The following ADAMTS8 variants were observed in gnomAD, a reference collection of about 807,000 sequenced individuals.
The protein encoded by ADAMTS8 is ADAM metallopeptidase with thrombospondin type 1 motif 8, also known as A disintegrin and metalloproteinase with thrombospondin motifs 8.
In ADAMTS8, 50 loss-of-function variants were observed where a neutral mutation model predicts 64.4. The observed-to-expected ratio is 0.78, with a 90% CI of 0.62 to 0.98. The LOEUF (loss-of-function observed/expected upper bound fraction) is 0.98. ADAMTS8 is among the 50% of genes least tolerant of loss of function. The pLI, the probability that ADAMTS8 is intolerant of heterozygous loss-of-function variation, is 0.00. For missense variants in ADAMTS8, 1,192 were observed against 1,208.2 expected, an observed-to-expected ratio of 0.99 and a Z score of 0.20; for synonymous variants, 556 against 533.6, an observed-to-expected ratio of 1.04 and a Z score of -0.58.
intron 5 of ADAMTS8, among the ~76,000 whole-genome samples, chr11:130,412,570 G>A (rs753579319): frequency 6.6e-6 from 1 of 152,134 alleles, no homozygotes; most frequent in East Asian, 1.9e-4. Flanking sequence ...TTGGAATGCT[G>A]TATGCCCAAA....
intron 2 of ADAMTS8, among the ~76,000 whole-genome samples, chr11:130,418,007 CAAAAAAAA>C (rs5795694): frequency 2.1e-5 from 2 of 93,936 alleles, no homozygotes; most frequent in African/African-American, 8.5e-5. Context: ...CTACAAAAAG[CAAAAAAAA>C]AAAAAAAAAA....
At chr11:130,425,606 T>TTC (rs1862154281) in intron 1 of ADAMTS8, among the ~76,000 whole-genome samples, 1 of 150,232 alleles carries the variant, frequency 6.7e-6, no homozygotes, top group African/African-American at 2.4e-5. Flanking sequence ...CTTTTTTCTT[T>TTC]TTTTTTTTTT....
rs1329001098 is a variant in ADAMTS8 at position 130,428,312 on chromosome 11, A to G, written c.-26T>C. On this transcript the variant is annotated 5_prime_UTR_variant, in exon 1 of 9. Coordinates refer to ENST00000257359, the MANE Select transcript of ADAMTS8 (RefSeq NM_007037.6). ...GGGGGCTGCGGCGGTGGCTGCGCGC[A>G]GGAGAGGGAAGAAGCCCGCCAGGCG... The G allele has an allele frequency of 8.8e-6, 11 of 1,252,408 alleles. No individual in the cohort carries two copies. The highest frequency in any genetic ancestry group is 2.0e-5 in the South Asian group (1 of 50,106). 77.6% of individuals were successfully genotyped at this position (1,252,408 alleles called of 1,614,324 possible).
At chr11:130,425,817 G>C (rs909526856) in intron 1 of ADAMTS8, among the ~76,000 whole-genome samples, 2 of 152,002 alleles carry the variant, frequency 1.3e-5, no homozygotes, top group East Asian at 3.9e-4. Context: ...TAGCCAGGAT[G>C]GTCTTGATCT....
At position 130,416,524 on chromosome 11, in the gene ADAMTS8, C is replaced by T. The variant is rs564283402; in HGVS notation, c.1097-194G>A. 6.6e-5 allele frequency among the ~76,000 whole-genome samples: 10 copies of T among 152,330 alleles called. No homozygotes were observed. Among genetic ancestry groups the T allele is most frequent in the Admixed American group, 6.5e-4 (10 of 15,304 alleles). ...AGATGACTAAGAAACACGGATACCC[C>T]TTTATTTTCTGCCTCAGCCCGTCCT... On this transcript the variant is annotated intron_variant, in intron 3 of 8. Coordinates refer to ENST00000257359, the MANE Select transcript of ADAMTS8 (RefSeq NM_007037.6). This position sits in a 1 kb window ranked among gnomAD's most constrained non-coding sequence, Gnocchi z 4.8.
In ADAMTS8 at chr11:130,424,395, C is replaced by T. The variant is rs142489305; in HGVS notation, c.720+3172G>A. Among the ~76,000 whole-genome samples, 25 of 152,312 alleles carry T rather than the reference C, an allele frequency of 1.6e-4. 1 individual carries two copies. Among genetic ancestry groups the T allele is most frequent in the African/African-American group, 2.4e-4 (10 of 41,568 alleles). On this transcript the variant is annotated intron_variant, in intron 1 of 8. Coordinates refer to ENST00000257359, the MANE Select transcript of ADAMTS8 (RefSeq NM_007037.6). ...GTAAAACCACGCTGTGAATTGAACACGCTCAGAGAGTGGCTAAACCTTCCA... is the reference window on the plus strand; with the variant it reads ...GTAAAACCACGCTGTGAATTGAACATGCTCAGAGAGTGGCTAAACCTTCCA...
At chr11:130,413,174 T>C (rs974518606) in intron 5 of ADAMTS8, among the ~76,000 whole-genome samples, 2 of 152,242 alleles carry the variant, frequency 1.3e-5, no homozygotes, top group Admixed American at 6.5e-5. Flanking sequence ...TATAAATATG[T>C]ATTTTCTGAT....
At chr11:130,417,658 G>A (rs1387566589) in intron 2 of ADAMTS8, among the ~76,000 whole-genome samples, 2 of 143,932 alleles carry the variant, frequency 1.4e-5, no homozygotes, top group Non-Finnish European at 2.9e-5. Flanking sequence ...AAACTCCTGG[G>A]CACAAGTGAT....
chr11:130,425,436 A>G (rs1862151051), intron 1 of ADAMTS8, among the ~76,000 whole-genome samples: 3 of 152,064 alleles, frequency 2.0e-5, no homozygotes. Flanking sequence ...AGGCTGAAAA[A>G]TGGACTTTCT....
Position 130,428,440 on chromosome 11 carries a change from G to T in ADAMTS8, c.-154C>A. 1 of 1,054,548 alleles carries T rather than the reference G, an allele frequency of 9.5e-7. No individual in the cohort carries two copies. The highest frequency in any genetic ancestry group is 1.1e-6 in the Non-Finnish European group (1 of 877,312). 65.3% of individuals were successfully genotyped at this position (1,054,548 alleles called of 1,614,324 possible). A position where few individuals can be genotyped will look rare whatever the true frequency, so the allele number is the denominator to read the frequency against. On this transcript the variant is annotated 5_prime_UTR_variant, in exon 1 of 9. Transcript: ENST00000257359. Reference sequence around the variant, plus strand: ...CTCGGCCCGCGGGGCCCGGCGGCGGGAGCGCTCCCCCGGCGGCCCCTCTGG... The same window carrying T: ...CTCGGCCCGCGGGGCCCGGCGGCGGTAGCGCTCCCCCGGCGGCCCCTCTGG...
At position 130,405,413 on chromosome 11, in the gene ADAMTS8, A is replaced by G. The variant is rs1260404318; in HGVS notation, c.*145T>C. 12 of 1,474,578 alleles carry G rather than the reference A, an allele frequency of 8.1e-6. No homozygotes were observed. The highest frequency in any genetic ancestry group is 7.1e-5 in the East Asian group (3 of 42,364). The allele number at this position is 1,474,578 out of a possible 1,614,324, so 91.3% of individuals were successfully genotyped here. ...CTTCCCCCTTAGGAATTTGTGCAGT[A>G]CTGGAGGGGTTGCGGCAATGGGAGG... On this transcript the variant is annotated 3_prime_UTR_variant, in exon 9 of 9. Transcript: ENST00000257359.
chr11:130,405,812 A>G lies in ADAMTS8; in HGVS notation c.2416T>C (p.Phe806Leu). Residue 806 changes from phenylalanine (F) to leucine (L), a missense_variant, in exon 9 of 9, where the codon TTC becomes CTC. This residue lies in a region of ADAMTS8 where 147 missense variants were observed against 154.1 expected (regional missense o/e 0.95). Transcript: ENST00000257359. ...EVFPPKVKYTFFVPNDVDFSM... is the reference protein window; with the variant it reads ...EVFPPKVKYTLFVPNDVDFSM... ...AAGTCCACGTCATTAGGAACAAAGA[A>G]GGTGTATTTGACTTTTGGGGGGAAG... is the stretch of plus-strand genomic sequence containing the variant. The G allele has an allele frequency of 4.3e-6, 7 of 1,614,068 alleles. No homozygotes were observed. Among genetic ancestry groups the G allele is most frequent in the Non-Finnish European group, 5.9e-6 (7 of 1,180,052 alleles).
rs1265156877 is a variant in ADAMTS8, at chr11:130,416,735, T to C, written c.1096+205A>G. 6.6e-6 allele frequency among the ~76,000 whole-genome samples: 1 copy of C among 152,182 alleles called. No individual in the cohort carries two copies. The highest frequency in any genetic ancestry group is 1.5e-5 in the Non-Finnish European group (1 of 68,026). On this transcript the variant is annotated intron_variant, in intron 3 of 8. Coordinates refer to ENST00000257359, the MANE Select transcript of ADAMTS8 (RefSeq NM_007037.6). This position sits in a 1 kb window ranked among gnomAD's most constrained non-coding sequence, Gnocchi z 4.8. ...AATCGTGTGGGATGCTGCTTTTGTA[T>C]TTTGGCCATGTGCTCGGGGTGGGAG... is the stretch of plus-strand genomic sequence containing the variant.
At chr11:130,412,581 G>C (rs186978814) in intron 5 of ADAMTS8, among the ~76,000 whole-genome samples, 161 of 152,138 alleles carry the variant, frequency 1.1e-3, no homozygotes, top group African/African-American at 3.4e-3. Context: ...TATGCCCAAA[G>C]GTTCATAGAG....
At chr11:130,417,666 G>A (rs1453316311) in intron 2 of ADAMTS8, among the ~76,000 whole-genome samples, 6 of 152,116 alleles carry the variant, frequency 3.9e-5, no homozygotes, top group Admixed American at 6.6e-5. Flanking sequence ...GGGCACAAGT[G>A]ATTCTCTCAC....
chr11:130,426,167 G>T (rs1430669986), intron 1 of ADAMTS8, among the ~76,000 whole-genome samples: 1 of 152,178 alleles, frequency 6.6e-6, no homozygotes, highest in African/African-American at 2.4e-5. Flanking sequence ...GCGTCCCTGG[G>T]GTGTAGTCAG....
Position 130,405,462 on chromosome 11 carries a change from A to C in ADAMTS8, c.*96T>G. Reference sequence around the variant, plus strand: ...GGCCTGGGTGGGCCGTGCTGCCTTGATATGGCCAAGGGACCCAGTCACCAC... The same window carrying C: ...GGCCTGGGTGGGCCGTGCTGCCTTGCTATGGCCAAGGGACCCAGTCACCAC... On this transcript the variant is annotated 3_prime_UTR_variant, in exon 9 of 9. Coordinates refer to ENST00000257359, the MANE Select transcript of ADAMTS8 (RefSeq NM_007037.6). 1 of 1,503,220 alleles carries C rather than the reference A, an allele frequency of 6.7e-7. No individual in the cohort carries two copies. Among genetic ancestry groups the C allele is most frequent in the Non-Finnish European group, 8.8e-7 (1 of 1,133,230 alleles). The allele number at this position is 1,503,220 out of a possible 1,614,324, so 93.1% of individuals were successfully genotyped here.
intron 1 of ADAMTS8, among the ~76,000 whole-genome samples, chr11:130,422,243 T>C (rs965537728): frequency 1.3e-5 from 2 of 151,690 alleles, no homozygotes; most frequent in African/African-American, 4.8e-5. Flanking sequence ...CTGGGAAACA[T>C]AGTGAGATCC....
At chr11:130,424,062 TC>T (rs1283083626) in intron 1 of ADAMTS8, among the ~76,000 whole-genome samples, 3 of 152,248 alleles carry the variant, frequency 2.0e-5, no homozygotes, top group African/African-American at 7.2e-5. Context: ...CACGGCGGTT[TC>T]TTTGCAGGAT....
Sources: allele counts gnomAD v4.1 joint callset (sites outside exome capture counted in the v4.1 genomes callset), GRCh38; gene constraint gnomAD v4.1.1; regional missense constraint gnomAD v4.1.1; non-coding constraint Gnocchi (gnomAD v3.1); transcripts MANE v1.5; gene names NCBI Gene and HGNC (gene_info 2026-07-23, HGNC 2026-07-21).